The following TULP4 variants were observed in gnomAD, a reference collection of about 807,000 sequenced individuals.
TULP4 encodes tubby-related protein 4.
A neutral mutation model predicts 129.0 loss-of-function variants in TULP4; 16 were observed. The ratio of observed to expected loss-of-function variants is 0.12; its 90% CI spans 0.08 to 0.19. The LOEUF (loss-of-function observed/expected upper bound fraction) is 0.19. Among genes scored for constraint, TULP4 ranks in the 10% least tolerant of loss-of-function variants. The pLI is 1.00. For missense variants in TULP4, 1,842 were observed against 2,059.1 expected (o/e 0.89, Z 2.04); for synonymous variants, 998 against 854.0 (o/e 1.17, Z -2.94).
chr6:158,298,178 G>A (rs1409846389), intron 1 of TULP4, among the ~76,000 whole-genome samples: 5 of 152,176 alleles, frequency 3.3e-5, no homozygotes, highest in South Asian at 2.1e-4. Context: ...CCTAAAAATC[G>A]CTGTTATTCT....
At chr6:158,494,884 G>A (rs747012052) in intron 11 of TULP4, 38 bp downstream of exon 11, 1 of 1,580,478 alleles carries the variant, frequency 6.3e-7, no homozygotes, top group Non-Finnish European at 8.7e-7. Flanking sequence ...GTCCCAGTTG[G>A]AACAAACTAA....
chr6:158,380,907 A>AAAAAAAG (rs1180911636), intron 1 of TULP4, among the ~76,000 whole-genome samples: 1 of 148,746 alleles, frequency 6.7e-6, no homozygotes, highest in Non-Finnish European at 1.5e-5. Flanking sequence ...AAAAAAAAAA[A>AAAAAAAG]AAAAAGAAGA....
At chr6:158,498,540 C>A in intron 11 of TULP4, 129 bp from the exon 12 acceptor site, 1 of 1,149,536 alleles carries the variant, frequency 8.7e-7, no homozygotes. Context: ...GCCTCTGGGC[C>A]CTGCCTACAC....
At chr6:158,308,843 C>T (rs1192238765), upstream of TULP4, among the ~76,000 whole-genome samples, 89 of 125,026 alleles carry the variant, frequency 7.1e-4, no homozygotes, top group African/African-American at 1.0e-3. Context: ...CGGGCAGAGG[C>T]GCCCCTTACC....
At chr6:158,342,795 A>G (rs1050513662) in intron 1 of TULP4, among the ~76,000 whole-genome samples, 4 of 152,240 alleles carry the variant, frequency 2.6e-5, no homozygotes, top group Non-Finnish European at 5.9e-5. Flanking sequence ...AAGCAAGGAT[A>G]AAAAATCATA....
intron 9 of TULP4, among the ~76,000 whole-genome samples, chr6:158,491,431 T>TTTGAGGAGTCTCGC (rs1562589145): frequency 6.8e-5 from 1 of 14,680 alleles, no homozygotes; most frequent in Non-Finnish European, 1.4e-4. Context: ...CTTTCTTTCT[T>TTTGAGGAGTCTCGC]TCTTTCTTTC....
At chr6:158,355,547 A>T (rs1222604558) in intron 1 of TULP4, among the ~76,000 whole-genome samples, 1 of 152,186 alleles carries the variant, frequency 6.6e-6, no homozygotes, top group East Asian at 1.9e-4. Flanking sequence ...GTTCATGTGT[A>T]GTGTAGGTTC....
chr6:158,331,260 A>C (rs1220170440), intron 1 of TULP4, among the ~76,000 whole-genome samples: 1 of 151,808 alleles, frequency 6.6e-6, no homozygotes, highest in Non-Finnish European at 1.5e-5. Flanking sequence ...CAATTCCACT[A>C]CTCCCTCCAT....
intron 2 of TULP4, among the ~76,000 whole-genome samples, chr6:158,424,347 T>C (rs1778426078): frequency 1.3e-5 from 2 of 152,170 alleles, no homozygotes; most frequent in South Asian, 4.2e-4. Flanking sequence ...CCTCCCAGAT[T>C]CAAGTGATTC....
At chr6:158,506,301 A>G (rs983635039) in intron 13 of TULP4, among the ~76,000 whole-genome samples, 2 of 126,098 alleles carry the variant, frequency 1.6e-5, no homozygotes, top group South Asian at 2.4e-4. Context: ...GCCCAATCTC[A>G]GCTCACTGCA....
intron 12 of TULP4, among the ~76,000 whole-genome samples, chr6:158,500,731 A>G (rs55644136): frequency 0.16 from 24,699 of 152,208 alleles, 2,153 homozygotes; most frequent in Middle Eastern, 0.2. Flanking sequence ...ATAGGGTTTA[A>G]TTCAGCATGG....
chr6:158,380,989 G>C (rs1369776564), intron 1 of TULP4, among the ~76,000 whole-genome samples: 1 of 151,840 alleles, frequency 6.6e-6, no homozygotes, highest in Admixed American at 6.6e-5. Context: ...GTGGTGGCAT[G>C]CTGGTTCTGC....
chr6:158,482,510 G>A (rs1301517608), intron 8 of TULP4, among the ~76,000 whole-genome samples: 4 of 152,220 alleles, frequency 2.6e-5, no homozygotes, highest in African/African-American at 4.8e-5. Flanking sequence ...GAGGCAGACT[G>A]AAAGGAGGGA....
At chr6:158,265,878 C>G (rs901778643) in intron 1 of TULP4, among the ~76,000 whole-genome samples, 1 of 152,178 alleles carries the variant, frequency 6.6e-6, no homozygotes, top group East Asian at 1.9e-4. Flanking sequence ...TTGTATTTCA[C>G]TCCAAATTCA....
chr6:158,257,941 A>G (rs1322177999), intron 1 of TULP4, among the ~76,000 whole-genome samples: 2 of 152,298 alleles, frequency 1.3e-5, no homozygotes, highest in South Asian at 2.1e-4. Context: ...TGGAGCTGCA[A>G]GTTAGGGTTC....
intron 5 of TULP4, among the ~76,000 whole-genome samples, chr6:158,459,157 G>C (rs542615777): frequency 2.6e-5 from 4 of 152,172 alleles, no homozygotes; most frequent in Non-Finnish European, 2.9e-5. Context: ...CTGGCCGGGC[G>C]CGGTGGCTCA....
At chr6:158,380,929 G>A (rs852554) in intron 1 of TULP4, among the ~76,000 whole-genome samples, 96,083 of 144,572 alleles carry the variant, frequency 0.66, 32,515 homozygotes, top group Middle Eastern at 0.73. Flanking sequence ...GAAGAAGAAA[G>A]AGGTTTCAAA....
chr6:158,436,851 T>G (rs918435635), intron 3 of TULP4, among the ~76,000 whole-genome samples: 1 of 152,244 alleles, frequency 6.6e-6, no homozygotes, highest in African/African-American at 2.4e-5. Flanking sequence ...CTAGCCTCAG[T>G]GCTGGTTGCA....
At position 158,509,403 on chromosome 6, in the gene TULP4, A is replaced by G. The variant is rs1230128026; in HGVS notation, c.*2709A>G. On this transcript the variant is annotated 3_prime_UTR_variant, in exon 14 of 14. Coordinates refer to ENST00000367097, the MANE Select transcript of TULP4 (RefSeq NM_020245.5). ...GATCTGAAATAAAAAGGGGAGACCT[A>G]TTAGAATGAGAGTAGCCAAGGAAAG... 6.6e-6 allele frequency: 1 copy of G among 152,166 alleles called. No individual in the cohort carries two copies. The highest frequency in any genetic ancestry group is 1.5e-5 in the Non-Finnish European group (1 of 68,036). 9.4% of individuals were successfully genotyped at this position (152,166 alleles called of 1,614,324 possible).
Sources: allele counts gnomAD v4.1 joint callset (sites outside exome capture counted in the v4.1 genomes callset), GRCh38; gene constraint gnomAD v4.1.1; transcripts MANE v1.5; gene names NCBI Gene and HGNC (gene_info 2026-07-23, HGNC 2026-07-21).